MYO10: variants seen among roughly 807,000 people sequenced by gnomAD.
MYO10 encodes myosin X, also known as unconventional myosin-X.
Under a neutral mutation model 257.3 loss-of-function variants are expected in MYO10, and 133 were observed. The ratio of observed to expected loss-of-function variants is 0.52; its 90% CI spans 0.45 to 0.60. The LOEUF is 0.60. MYO10 is among the 20% of genes least tolerant of loss of function. The probability of loss-of-function intolerance (pLI) is 0.00; values close to 1 mark genes in which losing one functional copy is unlikely to be tolerated. For missense variants in MYO10, 2,399 were observed against 2,635.7 expected, an observed-to-expected ratio of 0.91 and a Z score of 1.97; for synonymous variants, 1,104 against 1,028.6, an observed-to-expected ratio of 1.07 and a Z score of -1.40.
At chr5:16,866,522 T>C (rs367664297) in intron 2 of MYO10, among the ~76,000 whole-genome samples, 35 of 152,174 alleles carry the variant, frequency 2.3e-4, no homozygotes, top group African/African-American at 8.0e-4. Context: ...TTTCATATGG[T>C]TCACAGGAAC....
At chr5:16,903,707 G>A (rs1418467812) in intron 1 of MYO10, among the ~76,000 whole-genome samples, 1 of 152,118 alleles carries the variant, frequency 6.6e-6, no homozygotes, top group Non-Finnish European at 1.5e-5. Context: ...GCCTGAAAAA[G>A]GAATAGAAGC....
rs759540370 is a variant in MYO10 at position 16,689,902 on chromosome 5, G to T, written c.3818C>A (p.Thr1273Asn). Residue 1273 changes from threonine (T) to asparagine (N), a missense_variant, in exon 28 of 41, where the codon ACC (threonine) becomes AAC (asparagine). By Grantham distance (65) the Thr-to-Asn change is moderately conservative. This residue lies in a region of MYO10 where 1,820 missense variants were observed against 1,939.4 expected (regional missense o/e 0.94). Coordinates refer to ENST00000513610, the MANE Select transcript of MYO10 (RefSeq NM_012334.3). ...GATGTCGATCCCATTCTCCTTGGTG[G>T]TGTTATCTATGATCTCTCTGCAAAG... ...VRTAKEIIDN[T>N]TKENGIDIIM... The T allele has an allele frequency of 5.0e-6, 8 of 1,613,034 alleles. No individual in the cohort carries two copies. The African/African-American group carries it at 6.7e-5, about 13-fold the overall frequency.
intron 14 of MYO10, among the ~76,000 whole-genome samples, chr5:16,763,137 T>C (rs1740770027): frequency 6.6e-6 from 1 of 151,538 alleles, no homozygotes; most frequent in South Asian, 2.1e-4. Context: ...ATATAAATCT[T>C]AAAAAAAAAT....
chr5:16,720,073 A>C (rs1260048341), intron 19 of MYO10, among the ~76,000 whole-genome samples: 1 of 152,048 alleles, frequency 6.6e-6, no homozygotes, highest in Middle Eastern at 3.2e-3. Context: ...ACCCACACAA[A>C]TAACTAATGG....
rs778521829 is a variant in MYO10 at position 16,763,641 on chromosome 5, C to T, written c.1427+14G>A. The T allele has an allele frequency of 6.3e-7, 1 of 1,588,990 alleles. No homozygotes were observed. Among genetic ancestry groups the T allele is most frequent in the South Asian group, 1.1e-5 (1 of 90,100 alleles). ...TAAAAAAAAAAATTGAAATGGAATT[C>T]TATGAGTGCTTACCGGCTATATTCT... is the stretch of plus-strand genomic sequence containing the variant. On this transcript the variant is annotated intron_variant, in intron 13 of 40. Transcript: ENST00000513610.
chr5:16,777,778 G>A (rs1741262542), intron 9 of MYO10, among the ~76,000 whole-genome samples: 1 of 147,878 alleles, frequency 6.8e-6, no homozygotes, highest in African/African-American at 2.5e-5. Flanking sequence ...CTCACTAAAT[G>A]TCAGCTGCAT....
At chr5:16,829,779 G>T (rs897351787) in intron 2 of MYO10, among the ~76,000 whole-genome samples, 1 of 152,114 alleles carries the variant, frequency 6.6e-6, no homozygotes, top group South Asian at 2.1e-4. Context: ...TAACTACTCA[G>T]CAACCAGAAA....
intron 2 of MYO10, among the ~76,000 whole-genome samples, chr5:16,857,854 T>C (rs1580081182): frequency 6.6e-6 from 1 of 152,214 alleles, no homozygotes; most frequent in Non-Finnish European, 1.5e-5. Context: ...TGGTGTGGCA[T>C]AGTGGCCCAG....
rs146827997 is a variant in MYO10, at chr5:16,860,689, G to A, written c.120+16920C>T. On this transcript the variant is annotated intron_variant, in intron 2 of 40. Transcript: ENST00000513610. ...ATGGGAAAATCAAGAGTAAGCAGAG[G>A]CTCTTAAGAGAGTCAACGGATGAAC... Among the ~76,000 whole-genome samples, 20 of 152,162 alleles carry A rather than the reference G, an allele frequency of 1.3e-4. No individual in the cohort carries two copies. The East Asian group carries it at 3.7e-3, about 28-fold the overall frequency.
Position 16,663,325 on chromosome 5 carries a change from GTTGTTTTTTTTTTTTTTTTTT to G in MYO10, c.*3346_*3366del, listed in dbSNP as rs1168839972. The G allele has an allele frequency of 1.5e-4, 6 of 41,324 alleles. No individual in the cohort carries two copies. The East Asian group carries it at 3.0e-3, about 21-fold the overall frequency. The allele number at this position is 41,324 out of a possible 1,614,324, so 2.6% of individuals were successfully genotyped here. On this transcript the variant is annotated 3_prime_UTR_variant, in exon 41 of 41. Coordinates refer to ENST00000513610, the MANE Select transcript of MYO10 (RefSeq NM_012334.3). Reference sequence around the variant, plus strand: ...GGAAAAAAGTAACATTTTACTTCTAGTTGTTTTTTTTTTTTTTTTTTTTTTTTTTTTTTTTTTTTTTTACAA... The same window carrying G: ...GGAAAAAAGTAACATTTTACTTCTAGTTTTTTTTTTTTTTTTTTTTTACAA...
At chr5:16,762,445 G>C in intron 15 of MYO10, 100 bp downstream of exon 15, 7 of 913,754 alleles carry the variant, frequency 7.7e-6, no homozygotes, top group Non-Finnish European at 1.2e-5. Context: ...GTTCAATGTG[G>C]GAGGCACAGT....
At chr5:16,820,820 T>C (rs1306108272) in intron 2 of MYO10, among the ~76,000 whole-genome samples, 6 of 151,404 alleles carry the variant, frequency 4.0e-5, no homozygotes, top group African/African-American at 1.5e-4. Flanking sequence ...TTTACATATA[T>C]GTAATATACA....
chr5:16,897,419 A>G (rs1302792759), intron 1 of MYO10, among the ~76,000 whole-genome samples: 1 of 152,142 alleles, frequency 6.6e-6, no homozygotes, highest in Non-Finnish European at 1.5e-5. Context: ...ACCTATGCAA[A>G]GACGTACGCC....
At position 16,668,488 on chromosome 5, in the gene MYO10, A is replaced by G. The variant is rs1021931046; in HGVS notation, c.5884-20T>C. ...CTTGCACTGGTGGGCAAGAGTCAAC[A>G]GAAGAGTTAAGTCATGAAGTGGTTG... On this transcript the variant is annotated intron_variant, in intron 39 of 40. Coordinates refer to ENST00000513610, the MANE Select transcript of MYO10 (RefSeq NM_012334.3). 3 of 1,577,784 alleles carry G rather than the reference A, an allele frequency of 1.9e-6. No homozygotes were observed. The South Asian group carries it at 3.5e-5, about 19-fold the overall frequency.
intron 3 of MYO10, among the ~76,000 whole-genome samples, chr5:16,806,887 T>TC (rs1469824729): frequency 6.6e-6 from 1 of 152,136 alleles, no homozygotes; most frequent in Non-Finnish European, 1.5e-5. Flanking sequence ...CAACAAGGGA[T>TC]CCTCTGTTAC....
At chr5:16,679,923 C>T (rs767968420) in intron 33 of MYO10, 24 bp downstream of exon 33, 1 of 1,609,282 alleles carries the variant, frequency 6.2e-7, no homozygotes, top group East Asian at 2.2e-5. Flanking sequence ...AATCACCCAC[C>T]TTGATGGGCT....
At chr5:16,805,645 G>A (rs1387892056) in intron 3 of MYO10, among the ~76,000 whole-genome samples, 1 of 152,162 alleles carries the variant, frequency 6.6e-6, no homozygotes, top group African/African-American at 2.4e-5. Flanking sequence ...ACGAGGTGGG[G>A]CCACGTACCG....
intron 4 of MYO10, among the ~76,000 whole-genome samples, chr5:16,792,531 G>A (rs1294441528): frequency 6.6e-6 from 1 of 152,046 alleles, no homozygotes; most frequent in African/African-American, 2.4e-5. Flanking sequence ...TTTCAGAGGG[G>A]CCTCCTCTGG....
intron 3 of MYO10, among the ~76,000 whole-genome samples, chr5:16,808,028 C>G (rs746814217): frequency 6.6e-6 from 1 of 152,166 alleles, no homozygotes; most frequent in Admixed American, 6.5e-5. Flanking sequence ...CCAGGCAGGG[C>G]GGCATCAGCA....
Sources: gnomAD v4.1 joint callset for allele counts (sites outside exome capture counted in the v4.1 genomes callset) on GRCh38, gnomAD v4.1.1 for gene constraint, gnomAD v4.1.1 regional missense constraint, MANE v1.5 for transcripts, NCBI Gene and HGNC (gene_info 2026-07-23, HGNC 2026-07-21) for gene names.